The following HS6ST3 variants were observed in gnomAD, a reference collection of about 807,000 sequenced individuals.
The protein encoded by HS6ST3 is heparan sulfate 6-O-sulfotransferase 3.
Under a neutral mutation model 36.7 loss-of-function variants are expected in HS6ST3, and 12 were observed. The observed-to-expected ratio is 0.33, with a 90% confidence interval of 0.21 to 0.53. HS6ST3 has a LOEUF of 0.53. Among genes scored for constraint, HS6ST3 ranks in the 20% least tolerant of loss-of-function variants. The pLI, the probability that HS6ST3 is intolerant of heterozygous loss-of-function variation, is 0.95. For synonymous variants in HS6ST3, 240 were observed against 257.5 expected, an observed-to-expected ratio of 0.93 and a Z score of 0.65; for missense variants, 584 against 640.9, an observed-to-expected ratio of 0.91 and a Z score of 0.96.
intron 1 of HS6ST3, among the ~76,000 whole-genome samples, chr13:96,336,133 T>G (rs1289583914): frequency 6.6e-6 from 1 of 152,198 alleles, no homozygotes; most frequent in East Asian, 1.9e-4. Flanking sequence ...GTTGAAATAC[T>G]CCAATTTTCT....
At chr13:96,327,248 C>T (rs1009966294) in intron 1 of HS6ST3, among the ~76,000 whole-genome samples, 2 of 151,676 alleles carry the variant, frequency 1.3e-5, no homozygotes, top group Admixed American at 6.6e-5. Flanking sequence ...ACATGAAGTC[C>T]TTGCCCATGC....
chr13:96,673,230 G>A (rs1357117905), intron 1 of HS6ST3, among the ~76,000 whole-genome samples: 2 of 152,134 alleles, frequency 1.3e-5, no homozygotes, highest in Non-Finnish European at 1.5e-5. Flanking sequence ...GGAGGCTTAT[G>A]ATGGCTCTTA....
intron 1 of HS6ST3, among the ~76,000 whole-genome samples, chr13:96,103,556 C>G (rs1232517204): frequency 6.6e-6 from 1 of 151,936 alleles, no homozygotes; most frequent in African/African-American, 2.4e-5. Context: ...GAATGTGTGC[C>G]CTATATCCTG....
At chr13:96,576,097 G>A (rs138751265) in intron 1 of HS6ST3, among the ~76,000 whole-genome samples, 275 of 152,274 alleles carry the variant, frequency 1.8e-3, no homozygotes, top group African/African-American at 6.3e-3. Flanking sequence ...GAGAGGGAGC[G>A]GGGGCACATG....
chr13:96,568,921 A>G (rs1008814446), intron 1 of HS6ST3, among the ~76,000 whole-genome samples: 3 of 152,170 alleles, frequency 2.0e-5, no homozygotes, highest in African/African-American at 7.2e-5. Flanking sequence ...TTCCAAAATC[A>G]TCCATAAGTG....
chr13:96,166,324 C>G (rs1324758132), intron 1 of HS6ST3, among the ~76,000 whole-genome samples: 1 of 152,058 alleles, frequency 6.6e-6, no homozygotes, highest in Non-Finnish European at 1.5e-5. Context: ...GCTCTGACCC[C>G]TTGGTTCCTA....
At chr13:96,637,940 G>A (rs1416022333) in intron 1 of HS6ST3, among the ~76,000 whole-genome samples, 1 of 152,098 alleles carries the variant, frequency 6.6e-6, no homozygotes, top group Non-Finnish European at 1.5e-5. Context: ...TAGGGTTGTT[G>A]AGGGACATGG....
chr13:96,228,333 A>G (rs933158567), intron 1 of HS6ST3, among the ~76,000 whole-genome samples: 2 of 152,202 alleles, frequency 1.3e-5, no homozygotes, highest in Non-Finnish European at 2.9e-5. Context: ...ATCTTGGCTC[A>G]CTGCAACCTC....
In HS6ST3 at chr13:96,457,312, G is replaced by T. The variant is rs571420980; in HGVS notation, c.707+365743G>T. ...TCCCAAACCTTAAGATGCCAGGATG[G>T]ACTACTTTAAGACAACCCCAACCTC... On this transcript the variant is annotated intron_variant, in intron 1 of 1. Transcript: ENST00000376705. Among the ~76,000 whole-genome samples the T allele has an allele frequency of 2.0e-5, 3 of 152,100 alleles. No individual in the cohort carries two copies. The East Asian group carries it at 5.8e-4, about 29-fold the overall frequency.
chr13:96,446,878 A>G (rs772128098), intron 1 of HS6ST3, among the ~76,000 whole-genome samples: 2 of 152,198 alleles, frequency 1.3e-5, no homozygotes, highest in South Asian at 4.1e-4. Flanking sequence ...TCCTTAGGTC[A>G]TATAGTGAGA....
chr13:96,380,229 T>G (rs9556581), intron 1 of HS6ST3, among the ~76,000 whole-genome samples: 24,683 of 151,664 alleles, frequency 0.16, 2,566 homozygotes, highest in South Asian at 0.26. Context: ...AGATGACATA[T>G]GAATCTTATA....
chr13:96,166,856 G>T (rs1214945548), intron 1 of HS6ST3, among the ~76,000 whole-genome samples: 1 of 152,052 alleles, frequency 6.6e-6, no homozygotes, highest in Non-Finnish European at 1.5e-5. Flanking sequence ...CATGGGGGTG[G>T]TTTCTGCCAT....
intron 1 of HS6ST3, among the ~76,000 whole-genome samples, chr13:96,600,827 A>G (rs937783683): frequency 3.3e-5 from 5 of 151,126 alleles, no homozygotes; most frequent in East Asian, 1.9e-4. Context: ...TATATTTAGA[A>G]CTCCTTTTAG....
intron 1 of HS6ST3, among the ~76,000 whole-genome samples, chr13:96,132,016 TTG>T (rs943663616): frequency 6.6e-6 from 1 of 152,080 alleles, no homozygotes; most frequent in Non-Finnish European, 1.5e-5. Context: ...GTACTTGTCT[TTG>T]TGTGTCTGGC....
intron 1 of HS6ST3, among the ~76,000 whole-genome samples, chr13:96,166,457 T>C (rs1336716675): frequency 6.6e-6 from 1 of 152,108 alleles, no homozygotes; most frequent in African/African-American, 2.4e-5. Context: ...AGTGGATGAG[T>C]GTGGCTCTTG....
At chr13:96,233,195 A>G (rs2054516682) in intron 1 of HS6ST3, among the ~76,000 whole-genome samples, 1 of 152,224 alleles carries the variant, frequency 6.6e-6, no homozygotes, top group Admixed American at 6.5e-5. Context: ...TGAATTTCTA[A>G]CTTCCTGCCC....
intron 1 of HS6ST3, among the ~76,000 whole-genome samples, chr13:96,465,588 G>A (rs981328965): frequency 6.6e-6 from 1 of 152,154 alleles, no homozygotes; most frequent in African/African-American, 2.4e-5. Context: ...ACAGATGTTA[G>A]ACTCATGGAG....
In HS6ST3 at chr13:96,632,620, C is replaced by A. The variant is rs562530254; in HGVS notation, c.708-199870C>A. Among the ~76,000 whole-genome samples, 6 of 152,300 alleles carry A rather than the reference C, an allele frequency of 3.9e-5. No homozygotes were observed. In the South Asian group the frequency reaches 1.2e-3, roughly 32 times the overall value. On this transcript the variant is annotated intron_variant, in intron 1 of 1. Transcript: ENST00000376705. ...CTACCATTAAGAGTTTAAATGTATGCTCTCAGTGAAGGAAGATGGGATCAC... is the reference window on the plus strand; with the variant it reads ...CTACCATTAAGAGTTTAAATGTATGATCTCAGTGAAGGAAGATGGGATCAC...
intron 1 of HS6ST3, among the ~76,000 whole-genome samples, chr13:96,195,418 T>C (rs2054307385): frequency 6.6e-6 from 1 of 152,200 alleles, no homozygotes; most frequent in South Asian, 2.1e-4. Context: ...CAGAGCATCT[T>C]CTCATCTCTG....
Sources: allele counts gnomAD v4.1 joint callset (sites outside exome capture counted in the v4.1 genomes callset), GRCh38; gene constraint gnomAD v4.1.1; transcripts MANE v1.5; gene names NCBI Gene and HGNC (gene_info 2026-07-23, HGNC 2026-07-21).